CAPN14: variants seen among roughly 807,000 people sequenced by gnomAD.
CAPN14 encodes the protein calpain-14.
A neutral mutation model predicts 101.3 loss-of-function variants in CAPN14; 94 were observed. That is an observed-to-expected ratio of 0.93 (90% CI 0.79 to 1.10). The LOEUF (loss-of-function observed/expected upper bound fraction) is 1.10. Among genes scored for constraint, CAPN14 ranks in the 50% least tolerant of loss-of-function variants. The pLI is 0.00. For synonymous variants in CAPN14, 338 were observed against 317.9 expected, an observed-to-expected ratio of 1.06 and a Z score of -0.67; for missense variants, 837 against 828.4, an observed-to-expected ratio of 1.01 and a Z score of -0.13.
chr2:31,180,942 T>A lies in CAPN14; in HGVS notation c.1704A>T (p.Leu568Phe). ...CACAAACCTGAAAGGATACGTCCAG[T>A]AAGGCCAGGATCCCCTGGCAGGCTT... ...SLEACQGILA[L>F]LDLNASGTMS... is the part of the protein sequence containing the mutation. The change falls in exon 17 of 22, where the codon TTA becomes TTT. Residue 568 changes from leucine (L) to phenylalanine (F), a missense_variant. Physicochemically the swap from Leu to Phe is conservative, Grantham distance 22 (BLOSUM62 0). Coordinates refer to ENST00000403897, the MANE Select transcript of CAPN14 (RefSeq NM_001145122.2). 3 of 1,551,664 alleles carry A rather than the reference T, an allele frequency of 1.9e-6. No individual in the cohort carries two copies. Among genetic ancestry groups the A allele is most frequent in the Non-Finnish European group, 2.6e-6 (3 of 1,146,930 alleles).
chr2:31,220,543 G>A (rs554196994), upstream of CAPN14, among the ~76,000 whole-genome samples: 7 of 152,284 alleles, frequency 4.6e-5, no homozygotes, highest in South Asian at 6.2e-4. Context: ...ACTAACTGAC[G>A]GCCAGGCATG....
chr2:31,184,371 T>A (rs1293518971), intron 16 of CAPN14, among the ~76,000 whole-genome samples: 2 of 152,216 alleles, frequency 1.3e-5, no homozygotes, highest in Non-Finnish European at 2.9e-5. Flanking sequence ...GACTTTTGCT[T>A]TCCCTTCTAA....
At chr2:31,231,300 T>C (rs1572455394) in intron 1 of CAPN14, among the ~76,000 whole-genome samples, 2 of 152,240 alleles carry the variant, frequency 1.3e-5, no homozygotes, top group Admixed American at 6.5e-5. Context: ...CTCTCAATTA[T>C]TGAATTTATC....
chr2:31,209,911 G>A (rs1682300630), intron 1 of CAPN14, among the ~76,000 whole-genome samples: 1 of 152,156 alleles, frequency 6.6e-6, no homozygotes, highest in Non-Finnish European at 1.5e-5. Flanking sequence ...GCTAGTTGTT[G>A]AATATTACCA....
chr2:31,174,618 G>T lies in CAPN14; in HGVS notation c.*63C>A. 6.5e-7 allele frequency: 1 copy of T among 1,537,874 alleles called. No individual in the cohort carries two copies. The highest frequency in any genetic ancestry group is 8.8e-7 in the Non-Finnish European group (1 of 1,135,404). On this transcript the variant is annotated 3_prime_UTR_variant, in exon 22 of 22. Transcript: ENST00000403897. ...GTAGGGTGGGCATGGGTTGGTCTCA[G>T]CCAAAGGCTGCTCTTGGGCCACATG...
At chr2:31,187,842 C>T (rs1822496) in intron 14 of CAPN14, 28 bp from the exon 15 acceptor site, 1,533,008 of 1,533,396 alleles carry the variant, frequency 1, 766,311 homozygotes, top group Middle Eastern at 1. Flanking sequence ...CAGAAAGACA[C>T]AATTATTCAC....
intron 20 of CAPN14, among the ~76,000 whole-genome samples, 155 bp downstream of exon 20, chr2:31,176,871 G>C (rs908686915): frequency 6.6e-6 from 1 of 152,218 alleles, no homozygotes; most frequent in Non-Finnish European, 1.5e-5. Flanking sequence ...CTGCAGCCAG[G>C]GTTCACAGGC....
chr2:31,192,737 T>C (rs1328557470), intron 10 of CAPN14, among the ~76,000 whole-genome samples: 1 of 152,152 alleles, frequency 6.6e-6, no homozygotes, highest in African/African-American at 2.4e-5. Flanking sequence ...AGATACAATT[T>C]CTATTTCAAT....
rs1157655145 is a variant in CAPN14 at position 31,180,846 on chromosome 2, T to C, written c.1710+90A>G. ...TCCAGGATCCCACAATTAGCAAGGATTGGGGTTGGGATTCAAATATACTCT... is the reference window on the plus strand; with the variant it reads ...TCCAGGATCCCACAATTAGCAAGGACTGGGGTTGGGATTCAAATATACTCT... On this transcript the variant is annotated intron_variant, in intron 17 of 21. Transcript: ENST00000403897. 7 of 1,097,018 alleles carry C rather than the reference T, an allele frequency of 6.4e-6. No homozygotes were observed. In the South Asian group the frequency reaches 7.2e-5, roughly 11 times the overall value. 68.0% of individuals were successfully genotyped at this position (1,097,018 alleles called of 1,614,324 possible). A position where few individuals can be genotyped will look rare whatever the true frequency, so the allele number is the denominator to read the frequency against.
chr2:31,181,456 T>TTC (rs1680617061), intron 16 of CAPN14, among the ~76,000 whole-genome samples: 1 of 137,212 alleles, frequency 7.3e-6, no homozygotes, highest in African/African-American at 2.9e-5. Context: ...TTCTTTCTTT[T>TTC]TTTCTCTTTT....
chr2:31,197,999 A>AT (rs34348757), intron 7 of CAPN14, among the ~76,000 whole-genome samples: 30,270 of 152,072 alleles, frequency 0.2, 3,360 homozygotes, highest in East Asian at 0.37. Context: ...TTTTATGGTA[A>AT]TTTTTTGTGG....
chr2:31,222,147 T>C (rs1436369337), upstream of CAPN14, among the ~76,000 whole-genome samples: 1 of 152,218 alleles, frequency 6.6e-6, no homozygotes, highest in Non-Finnish European at 1.5e-5. Flanking sequence ...GAGACTTATG[T>C]TGAAATGAAT....
intron 21 of CAPN14, among the ~76,000 whole-genome samples, chr2:31,175,417 A>C (rs1680241037): frequency 6.6e-6 from 1 of 152,184 alleles, no homozygotes. Flanking sequence ...TGTGGCTTCA[A>C]CCCAGTTCTC....
intron 9 of CAPN14, 73 bp from the exon 10 acceptor site, chr2:31,193,367 G>A: frequency 2.8e-6 from 4 of 1,447,230 alleles, no homozygotes; most frequent in Non-Finnish European, 2.8e-6. Flanking sequence ...CATGGGGAGG[G>A]TGAAACGGAG....
chr2:31,222,609 A>C (rs1040170277), intron 2 of CAPN14, among the ~76,000 whole-genome samples: 1 of 152,250 alleles, frequency 6.6e-6, no homozygotes, highest in African/African-American at 2.4e-5. Context: ...GGGCTGGTAC[A>C]TAATATGCAC....
At chr2:31,186,537 T>C in intron 15 of CAPN14, 52 bp from the exon 16 acceptor site, 1 of 1,375,886 alleles carries the variant, frequency 7.3e-7, no homozygotes, top group Non-Finnish European at 1.0e-6. Flanking sequence ...GAAGGCTCAT[T>C]AGATGGCAGA....
intron 17 of CAPN14, among the ~76,000 whole-genome samples, chr2:31,178,980 A>T (rs1680450382): frequency 6.6e-6 from 1 of 151,108 alleles, no homozygotes; most frequent in Admixed American, 6.6e-5. Flanking sequence ...CCTAAACATA[A>T]ACAAATTAAA....
chr2:31,200,226 A>T (rs890215675), intron 6 of CAPN14, among the ~76,000 whole-genome samples: 6 of 152,076 alleles, frequency 3.9e-5, no homozygotes, highest in African/African-American at 1.4e-4. Flanking sequence ...GCTGATCTCG[A>T]ACTCCTGACC....
chr2:31,222,173 C>T (rs1196086374), upstream of CAPN14, among the ~76,000 whole-genome samples: 1 of 152,106 alleles, frequency 6.6e-6, no homozygotes, highest in East Asian at 1.9e-4. Context: ...TCCTACAGTT[C>T]CAAGGAAAGG....
Sources: allele counts gnomAD v4.1 joint callset (sites outside exome capture counted in the v4.1 genomes callset), GRCh38; gene constraint gnomAD v4.1.1; transcripts MANE v1.5; gene names NCBI Gene and HGNC (gene_info 2026-07-23, HGNC 2026-07-21).